NAA60: variants seen among roughly 807,000 people sequenced by gnomAD.
NAA60 encodes N-alpha-acetyltransferase 60, NatF catalytic subunit, also known as N-alpha-acetyltransferase 60.
A neutral mutation model predicts 26.1 loss-of-function variants in NAA60; 8 were observed. That is an observed-to-expected ratio of 0.31 (90% CI 0.18 to 0.55). The LOEUF is 0.55. NAA60 is among the 20% of genes least tolerant of loss of function. The probability of loss-of-function intolerance (pLI) is 0.93; values close to 1 mark genes in which losing one functional copy is unlikely to be tolerated. For missense variants in NAA60, 290 were observed against 311.3 expected, an observed-to-expected ratio of 0.93 and a Z score of 0.51; for synonymous variants, 131 against 122.5, an observed-to-expected ratio of 1.07 and a Z score of -0.46.
chr16:3,445,991 A>G lies in NAA60; in HGVS notation c.-77+2154A>G, dbSNP rs114906946. ...TAACTCAATTTTGTAAAAAATCACA[A>G]ATGCTTGACTGTATACCCACTATAT... On this transcript the variant is annotated intron_variant, in intron 1 of 7. Transcript: ENST00000407558. 5.6e-3 allele frequency among the ~76,000 whole-genome samples: 856 copies of G among 152,260 alleles called. 13 individuals are homozygous for G. The highest frequency in any genetic ancestry group is 0.019 in the African/African-American group (794 of 41,552).
chr16:3,471,512 A>G (rs1187120030), intron 2 of NAA60, among the ~76,000 whole-genome samples: 1 of 152,122 alleles, frequency 6.6e-6, no homozygotes, highest in Non-Finnish European at 1.5e-5. Context: ...TCAAAAAATA[A>G]TAATAATAAA....
intron 2 of NAA60, among the ~76,000 whole-genome samples, chr16:3,468,952 G>A (rs1287409673): frequency 6.6e-6 from 1 of 152,074 alleles, no homozygotes; most frequent in Non-Finnish European, 1.5e-5. Flanking sequence ...TGGTTGTGGT[G>A]GCACATGCCT....
rs559991272 is a variant in NAA60 at position 3,485,307 on chromosome 16, C to T, written c.*207-160C>T. The T allele has an allele frequency of 5.8e-5, 31 of 530,882 alleles. No individual in the cohort carries two copies. The Middle Eastern group carries it at 8.6e-4, about 15-fold the overall frequency. 32.9% of individuals were successfully genotyped at this position (530,882 alleles called of 1,614,324 possible). On this transcript the variant is annotated intron_variant, in intron 7 of 7. Transcript: ENST00000407558. ...TCAGTGCCTTTATTTGTGTGGGGACCGAGAGGCGCCTAGTGGCTGCAGGCA... is the reference window on the plus strand; with the variant it reads ...TCAGTGCCTTTATTTGTGTGGGGACTGAGAGGCGCCTAGTGGCTGCAGGCA...
rs540920738 is a variant in NAA60, at chr16:3,445,853, A to G, written c.-77+2016A>G. 2.0e-5 allele frequency among the ~76,000 whole-genome samples: 3 copies of G among 152,310 alleles called. No individual in the cohort carries two copies. In the South Asian group the frequency reaches 6.2e-4, roughly 32 times the overall value. On this transcript the variant is annotated intron_variant, in intron 1 of 7. Transcript: ENST00000407558. Reference sequence around the variant, plus strand: ...TTCCTAAGAGCCATCAAAACTATAAACAAGTGGACAAAGAAGGAGGAAGCT... The same window carrying G: ...TTCCTAAGAGCCATCAAAACTATAAGCAAGTGGACAAAGAAGGAGGAAGCT...
At chr16:3,450,769 C>G (rs1354378586) in intron 2 of NAA60, among the ~76,000 whole-genome samples, 1 of 144,978 alleles carries the variant, frequency 6.9e-6, no homozygotes, top group East Asian at 2.1e-4. Flanking sequence ...TAATGATGAA[C>G]TAGTTTGTTC....
chr16:3,483,303 C>T (rs1268535328), intron 5 of NAA60, 60 bp from the exon 6 acceptor site: 3 of 1,276,180 alleles, frequency 2.4e-6, no homozygotes, highest in African/African-American at 3.0e-5. Context: ...CCCATCCTAG[C>T]CCAGTCATCC....
intron 1 of NAA60, among the ~76,000 whole-genome samples, chr16:3,448,044 A>G (rs1207484427): frequency 1.3e-5 from 2 of 152,138 alleles, no homozygotes; most frequent in Non-Finnish European, 2.9e-5. Context: ...AGAAGCTGCA[A>G]CCAAAGACTC....
At position 3,448,495 on chromosome 16, in the gene NAA60, G is replaced by A; in HGVS notation, c.-52G>A. 15 of 1,535,624 alleles carry A rather than the reference G, an allele frequency of 9.8e-6. No homozygotes were observed. The highest frequency in any genetic ancestry group is 1.3e-5 in the Non-Finnish European group (15 of 1,146,888). ...GCATACAGAAAGGCTGTACCTGGAG[G>A]AAGGAAGTGCGGAGCCAGCCTGAGT... On this transcript the variant is annotated 5_prime_UTR_variant, in exon 2 of 8. Coordinates refer to ENST00000407558, the MANE Select transcript of NAA60 (RefSeq NM_001083601.3).
Position 3,476,385 on chromosome 16 carries a change from T to C in NAA60, c.110+48T>C, listed in dbSNP as rs755918441. The C allele has an allele frequency of 1.6e-5, 25 of 1,528,276 alleles. No individual in the cohort carries two copies. In the South Asian group the frequency reaches 2.9e-4, roughly 18 times the overall value. The allele number at this position is 1,528,276 out of a possible 1,614,324, so 94.7% of individuals were successfully genotyped here. A position where few individuals can be genotyped will look rare whatever the true frequency, so the allele number is the denominator to read the frequency against. On this transcript the variant is annotated intron_variant, in intron 3 of 7. Coordinates refer to ENST00000407558, the MANE Select transcript of NAA60 (RefSeq NM_001083601.3). ...TTGGGGAGAGCCCGTGAGCCTCAGG[T>C]GCAGAAGCTGGGCGGCGGGGGTGGG... is the stretch of plus-strand genomic sequence containing the variant.
intron 3 of NAA60, 99 bp downstream of exon 3, chr16:3,476,436 C>A: frequency 1.0e-6 from 1 of 988,000 alleles, no homozygotes; most frequent in Non-Finnish European, 1.5e-6. Context: ...TAGGACCGTG[C>A]TGCAAAGATG....
In NAA60 at chr16:3,485,489, T is replaced by C. The variant is rs1263899160; in HGVS notation, c.*229T>C. On this transcript the variant is annotated 3_prime_UTR_variant, in exon 8 of 8. Transcript: ENST00000407558. Reference sequence around the variant, plus strand: ...CAGGCTCTTCAGCTCCCCTCCCTGCTTCTGGAAACCTCTGCCTGCTGCCCT... The same window carrying C: ...CAGGCTCTTCAGCTCCCCTCCCTGCCTCTGGAAACCTCTGCCTGCTGCCCT... 1 of 456,830 alleles carries C rather than the reference T, an allele frequency of 2.2e-6. No homozygotes were observed. The allele number at this position is 456,830 out of a possible 1,614,324, so 28.3% of individuals were successfully genotyped here.
intron 4 of NAA60, among the ~76,000 whole-genome samples, chr16:3,482,055 T>A (rs2036870115): frequency 6.6e-6 from 1 of 152,104 alleles, no homozygotes; most frequent in South Asian, 2.1e-4. Flanking sequence ...TCCTCCAAGA[T>A]CACCTGGGGC....
At chr16:3,456,366 G>T (rs943250865) in intron 2 of NAA60, among the ~76,000 whole-genome samples, 3 of 152,124 alleles carry the variant, frequency 2.0e-5, no homozygotes, top group African/African-American at 7.2e-5. Context: ...CTGTTTTTAT[G>T]ATTGATTGGG....
At chr16:3,466,899 G>A (rs2035799400) in intron 2 of NAA60, among the ~76,000 whole-genome samples, 1 of 152,170 alleles carries the variant, frequency 6.6e-6, no homozygotes, top group Non-Finnish European at 1.5e-5. Flanking sequence ...GAGTGGGTGA[G>A]TGAGGAATAA....
At position 3,451,826 on chromosome 16, in the gene NAA60, C is replaced by T. The variant is rs150621056; in HGVS notation, c.-7+3286C>T. On this transcript the variant is annotated intron_variant, in intron 2 of 7. Coordinates refer to ENST00000407558, the MANE Select transcript of NAA60 (RefSeq NM_001083601.3). ...CCAGCTACTCGGGAGGCTAAGGCAG[C>T]GGAATCACTTGAGCCCAGGAGGCAG... Among the ~76,000 whole-genome samples, 1,463 of 150,440 alleles carry T rather than the reference C, an allele frequency of 9.7e-3. 26 individuals carry two copies. The highest frequency in any genetic ancestry group is 0.034 in the African/African-American group (1,396 of 40,858).
intron 2 of NAA60, among the ~76,000 whole-genome samples, chr16:3,460,108 A>G (rs999512872): frequency 6.6e-6 from 1 of 152,194 alleles, no homozygotes; most frequent in Non-Finnish European, 1.5e-5. Flanking sequence ...CATAGGGAAC[A>G]GATAGATGCA....
chr16:3,463,551 TAA>T lies in NAA60; in HGVS notation c.-6-12650_-6-12649del, dbSNP rs71133639. ...TGAGTGACAGAGTGAGACCCTGTGTTAAAAAAAAAAAAAAAAAAAAAATGCAA... is the reference window on the plus strand; with the variant it reads ...TGAGTGACAGAGTGAGACCCTGTGTTAAAAAAAAAAAAAAAAAAAATGCAA... On this transcript the variant is annotated intron_variant, in intron 2 of 7. Transcript: ENST00000407558. 8.4e-3 allele frequency among the ~76,000 whole-genome samples: 958 copies of T among 113,904 alleles called. 12 individuals are homozygous for T. Among genetic ancestry groups the T allele is most frequent in the African/African-American group, 0.015 (442 of 28,810 alleles). The allele number at this position is 113,904 out of a possible 152,430, so 74.7% of individuals were successfully genotyped here. A position where few individuals can be genotyped will look rare whatever the true frequency, so the allele number is the denominator to read the frequency against.
At chr16:3,444,956 A>T (rs2034490712) in intron 1 of NAA60, among the ~76,000 whole-genome samples, 1 of 152,232 alleles carries the variant, frequency 6.6e-6, no homozygotes, top group African/African-American at 2.4e-5. Context: ...TACAAATGAA[A>T]AAAAGAGATG....
chr16:3,479,648 G>C, intron 4 of NAA60, 48 bp downstream of exon 4: 1 of 1,594,598 alleles, frequency 6.3e-7, no homozygotes, highest in Non-Finnish European at 8.6e-7. Flanking sequence ...GTCATTGGAC[G>C]GGCCAAGGGG....
Sources: allele counts gnomAD v4.1 joint callset (sites outside exome capture counted in the v4.1 genomes callset), GRCh38; gene constraint gnomAD v4.1.1; transcripts MANE v1.5; gene names NCBI Gene and HGNC (gene_info 2026-07-23, HGNC 2026-07-21).